Variants in ATP2A2 observed in about 807,000 individuals in gnomAD.
The protein encoded by ATP2A2 is sarcoplasmic/endoplasmic reticulum calcium ATPase 2.
Under a neutral mutation model 109.3 loss-of-function variants are expected in ATP2A2, and 14 were observed. The observed-to-expected ratio is 0.13, with a 90% CI of 0.08 to 0.20. ATP2A2 has a LOEUF of 0.20. ATP2A2 is among the 10% of genes least tolerant of loss of function. ATP2A2 has a pLI of 1.00. For synonymous variants in ATP2A2, 506 were observed against 490.9 expected, an observed-to-expected ratio of 1.03 and a Z score of -0.41; for missense variants, 657 against 1,321.6, an observed-to-expected ratio of 0.50 and a Z score of 7.80.
chr12:110,334,839 C>T (rs1287089089), intron 11 of ATP2A2, among the ~76,000 whole-genome samples: 4 of 152,072 alleles, frequency 2.6e-5, no homozygotes, highest in East Asian at 1.9e-4. Context: ...CCGCCCACCT[C>T]GGCCTCCCAA....
In ATP2A2 at chr12:110,326,579, T is replaced by A. The variant is rs931473119; in HGVS notation, c.630+104T>A. 6.4e-6 allele frequency: 7 copies of A among 1,091,490 alleles called. No individual in the cohort carries two copies. In the African/African-American group the frequency reaches 1.1e-4, roughly 17 times the overall value. The allele number at this position is 1,091,490 out of a possible 1,614,324, so 67.6% of individuals were successfully genotyped here. ...CATCACTGGCTATCATTCTAAAGGA[T>A]AATCACACTTTTCATGGTCAGTCTT... On this transcript the variant is annotated intron_variant, in intron 7 of 19. Coordinates refer to ENST00000539276, the MANE Select transcript of ATP2A2 (RefSeq NM_170665.4).
At chr12:110,282,095 C>T (rs773231281) in intron 1 of ATP2A2, among the ~76,000 whole-genome samples, 188 bp downstream of exon 1, 19 of 152,106 alleles carry the variant, frequency 1.2e-4, no homozygotes, top group African/African-American at 3.9e-4. Flanking sequence ...TTCCCTGGAC[C>T]TCTTCGCTTC....
intron 5 of ATP2A2, among the ~76,000 whole-genome samples, chr12:110,304,964 C>G (rs370065340): frequency 6.6e-6 from 1 of 151,836 alleles, no homozygotes; most frequent in South Asian, 2.1e-4. Flanking sequence ...GAGTCTTGCT[C>G]TGTTGTCCAG....
intron 5 of ATP2A2, among the ~76,000 whole-genome samples, chr12:110,316,168 C>G (rs1876647795): frequency 6.6e-6 from 1 of 152,246 alleles, no homozygotes; most frequent in African/African-American, 2.4e-5. Context: ...TGGTAGTTCT[C>G]TTTGGTACCC....
rs553162148 is a variant in ATP2A2, at chr12:110,346,837, T to G, written c.*367T>G. ...GCAGATTTTAGGAAATGAATGTGTG[T>G]GGTTTTTTTTCTAAAACTAAATAGC... On this transcript the variant is annotated 3_prime_UTR_variant, in exon 20 of 20. Transcript: ENST00000539276. 2.0e-4 allele frequency: 225 copies of G among 1,128,128 alleles called. No homozygotes were observed. The highest frequency in any genetic ancestry group is 2.4e-4 in the Non-Finnish European group (218 of 915,754). The allele number at this position is 1,128,128 out of a possible 1,614,324, so 69.9% of individuals were successfully genotyped here.
intron 5 of ATP2A2, among the ~76,000 whole-genome samples, chr12:110,321,697 A>G (rs1049519046): frequency 6.6e-6 from 1 of 151,366 alleles, no homozygotes; most frequent in African/African-American, 2.4e-5. Flanking sequence ...AGCCTCCCAA[A>G]GTGTTGGGAT....
At chr12:110,306,820 C>G (rs926713277) in intron 5 of ATP2A2, among the ~76,000 whole-genome samples, 2 of 152,096 alleles carry the variant, frequency 1.3e-5, no homozygotes, top group Non-Finnish European at 1.5e-5. Context: ...CTCCACCTCC[C>G]AAGCTCAAGC....
At chr12:110,321,788 C>T (rs1877272135) in intron 5 of ATP2A2, among the ~76,000 whole-genome samples, 1 of 152,098 alleles carries the variant, frequency 6.6e-6, no homozygotes, top group Non-Finnish European at 1.5e-5. Context: ...CAGCAGAGGG[C>T]TGGGCACTAT....
At position 110,334,044 on chromosome 12, in the gene ATP2A2, TAC is replaced by T; in HGVS notation, c.1322_1323del (p.Thr441ArgfsTer15). The T allele has an allele frequency of 6.2e-7, 1 of 1,614,176 alleles. No individual in the cohort carries two copies. The highest frequency in any genetic ancestry group is 8.5e-7 in the Non-Finnish European group (1 of 1,180,034). On this transcript the variant is annotated frameshift_variant, in exon 11 of 20. Coordinates refer to ENST00000539276, the MANE Select transcript of ATP2A2 (RefSeq NM_170665.4). LOFTEE classifies it high-confidence loss of function. Reference sequence around the variant, plus strand: ...GTGTGTATGAAAAAGTTGGAGAAGCTACAGAGACTGCTCTCACTTGCCTAGTA... The same window carrying T: ...GTGTGTATGAAAAAGTTGGAGAAGCTAGAGACTGCTCTCACTTGCCTAGTA... ...KGVYEKVGEATETALTCLVEK... is the reference protein window; with the variant it reads ...KGVYEKVGEAXETALTCLVEK...
At chr12:110,333,706 A>G (rs993610001) in intron 10 of ATP2A2, among the ~76,000 whole-genome samples, 4 of 152,208 alleles carry the variant, frequency 2.6e-5, no homozygotes, top group Non-Finnish European at 5.9e-5. Context: ...ATGTGAAGGC[A>G]CTCTTTGAAT....
intron 5 of ATP2A2, among the ~76,000 whole-genome samples, chr12:110,302,848 C>T (rs1053991437): frequency 5.9e-5 from 9 of 152,130 alleles, no homozygotes; most frequent in Non-Finnish European, 1.5e-5. Context: ...CCACTCACCT[C>T]GGCCTCCCAA....
In ATP2A2 at chr12:110,345,271, A is replaced by G; in HGVS notation, c.2630A>G (p.Glu877Gly). 6.2e-7 allele frequency: 1 copy of G among 1,614,184 alleles called. No individual in the cohort carries two copies. Among genetic ancestry groups the G allele is most frequent in the Non-Finnish European group, 8.5e-7 (1 of 1,180,038 alleles). Residue 877 changes from glutamate (E) to glycine (G), a missense_variant, in exon 18 of 20, where the codon GAG becomes GGG. Around this residue, in one of 9 missense-constraint regions of ATP2A2, gnomAD observed 125 missense variants for 243.5 expected, o/e 0.51. Coordinates refer to ENST00000539276, the MANE Select transcript of ATP2A2 (RefSeq NM_170665.4). ...YQLSHFLQCK[E>G]DNPDFEGVDC... Reference sequence around the variant, plus strand: ...CAGAGTCATTTCCTACAGTGTAAAGAGGACAACCCGGACTTTGAAGGCGTG... The same window carrying G: ...CAGAGTCATTTCCTACAGTGTAAAGGGGACAACCCGGACTTTGAAGGCGTG...
intron 6 of ATP2A2, among the ~76,000 whole-genome samples, chr12:110,323,280 G>A (rs1877433742): frequency 6.6e-6 from 1 of 152,156 alleles, no homozygotes; most frequent in Non-Finnish European, 1.5e-5. Flanking sequence ...CGCCTCTCAG[G>A]TTCAGGCAGT....
Position 110,346,862 on chromosome 12 carries a change from C to A in ATP2A2, c.*392C>A. 1 of 1,116,316 alleles carries A rather than the reference C, an allele frequency of 9.0e-7. No individual in the cohort carries two copies. The allele number at this position is 1,116,316 out of a possible 1,614,324, so 69.2% of individuals were successfully genotyped here. A position where few individuals can be genotyped will look rare whatever the true frequency, so the allele number is the denominator to read the frequency against. On this transcript the variant is annotated 3_prime_UTR_variant, in exon 20 of 20. Transcript: ENST00000539276. ...TGGTTTTTTTTCTAAAACTAAATAGCATGTATTGTGTCTTTTGCATGATGA... is the reference window on the plus strand; with the variant it reads ...TGGTTTTTTTTCTAAAACTAAATAGAATGTATTGTGTCTTTTGCATGATGA...
chr12:110,291,889 C>T (rs1473072117), intron 3 of ATP2A2, 131 bp from the exon 4 acceptor site: 25 of 784,728 alleles, frequency 3.2e-5, no homozygotes, highest in Non-Finnish European at 4.7e-5. Context: ...CTCAGGTGAT[C>T]GCCTGCCTTG....
At chr12:110,345,896 C>G (rs1229275808) in intron 18 of ATP2A2, 105 bp from the exon 19 acceptor site, 2 of 1,151,198 alleles carry the variant, frequency 1.7e-6, no homozygotes, top group African/African-American at 3.0e-5. Context: ...GATGGTGCCA[C>G]ATTAACAGCC....
intron 3 of ATP2A2, among the ~76,000 whole-genome samples, chr12:110,285,781 T>C (rs768351106): frequency 6.6e-6 from 1 of 152,186 alleles, no homozygotes; most frequent in Non-Finnish European, 1.5e-5. Context: ...TCGTTTCCCA[T>C]GTCAGCTACT....
At chr12:110,344,440 G>C (rs759251766) in intron 16 of ATP2A2, among the ~76,000 whole-genome samples, 21 of 152,142 alleles carry the variant, frequency 1.4e-4, no homozygotes, top group Non-Finnish European at 1.2e-4. Flanking sequence ...GAAAACTGCT[G>C]CTGGGCCTCT....
In ATP2A2 at chr12:110,343,395, A is replaced by G; in HGVS notation, c.2482A>G (p.Ile828Val). ...TCCCCGGAACCCAAAGGAACCATTG[A>G]TCAGCGGGTGGCTCTTTTTCCGTTA... ...KPPRNPKEPLISGWLFFRYLA... is the reference protein window; with the variant it reads ...KPPRNPKEPLVSGWLFFRYLA... The change falls in exon 16 of 20, where the codon ATC becomes GTC. Residue 828 changes from isoleucine to valine, a missense_variant. Physicochemically the swap from Ile to Val is conservative, Grantham distance 29. Coordinates refer to ENST00000539276, the MANE Select transcript of ATP2A2 (RefSeq NM_170665.4). 6.2e-7 allele frequency: 1 copy of G among 1,614,190 alleles called. No homozygotes were observed. The highest frequency in any genetic ancestry group is 8.5e-7 in the Non-Finnish European group (1 of 1,180,034).
Sources: allele counts gnomAD v4.1 joint callset (sites outside exome capture counted in the v4.1 genomes callset), GRCh38; gene constraint gnomAD v4.1.1; regional missense constraint gnomAD v4.1.1; transcripts MANE v1.5; gene names NCBI Gene and HGNC (gene_info 2026-07-23, HGNC 2026-07-21).